NRG1: variants seen among roughly 807,000 people sequenced by gnomAD.
The protein encoded by NRG1 is pro-neuregulin-1, membrane-bound isoform.
Under a neutral mutation model 63.8 loss-of-function variants are expected in NRG1, and 18 were observed. The ratio of observed to expected loss-of-function variants is 0.28; its 90% CI spans 0.19 to 0.42. The LOEUF (loss-of-function observed/expected upper bound fraction) is 0.42. NRG1 is among the 10% of genes least tolerant of loss of function. The pLI is 1.00. For missense variants in NRG1, 762 were observed against 814.7 expected (o/e 0.94, Z 0.79); for synonymous variants, 302 against 301.3 (o/e 1.00, Z -0.02).
chr8:32,115,211 A>G (rs995222897), intron 1 of NRG1, among the ~76,000 whole-genome samples: 3 of 151,914 alleles, frequency 2.0e-5, no homozygotes, highest in African/African-American at 7.3e-5. Flanking sequence ...TTGTATTTTT[A>G]GCAGAGATGG....
intron 1 of NRG1, among the ~76,000 whole-genome samples, chr8:31,842,616 A>T (rs1172661017): frequency 6.6e-6 from 1 of 151,476 alleles, no homozygotes; most frequent in Non-Finnish European, 1.5e-5. Context: ...TTTATCACAT[A>T]TTACTCTAAG....
chr8:32,127,985 T>G (rs1834322931), intron 1 of NRG1, among the ~76,000 whole-genome samples: 1 of 151,934 alleles, frequency 6.6e-6, no homozygotes, highest in South Asian at 2.1e-4. Flanking sequence ...CCAGCAATTC[T>G]GGATGGCTCA....
chr8:31,728,559 A>G (rs1813690380), intron 1 of NRG1, among the ~76,000 whole-genome samples: 1 of 152,176 alleles, frequency 6.6e-6, no homozygotes, highest in Non-Finnish European at 1.5e-5. Flanking sequence ...TATGAATATG[A>G]TGACAAGTAG....
At chr8:32,474,383 C>T (rs2129491281) in intron 1 of NRG1, among the ~76,000 whole-genome samples, 1 of 152,242 alleles carries the variant, frequency 6.6e-6, no homozygotes, top group Middle Eastern at 3.4e-3. Context: ...CACTCTCTCC[C>T]ATGCGGTCTC....
At chr8:31,662,486 T>C (rs928167354) in intron 1 of NRG1, among the ~76,000 whole-genome samples, 1 of 152,238 alleles carries the variant, frequency 6.6e-6, no homozygotes, top group African/African-American at 2.4e-5. Flanking sequence ...TTTCAATGCC[T>C]ACCAGGTGCA....
chr8:32,411,279 G>A (rs1157939708), intron 1 of NRG1, among the ~76,000 whole-genome samples: 1 of 152,216 alleles, frequency 6.6e-6, no homozygotes, highest in Non-Finnish European at 1.5e-5. Context: ...AGAATCTGGG[G>A]CCTGTAACTC....
At chr8:32,312,221 T>C in intron 1 of NRG1, among the ~76,000 whole-genome samples, 1 of 131,346 alleles carries the variant, frequency 7.6e-6, no homozygotes, top group East Asian at 2.3e-4. Flanking sequence ...TGGAGTGCAA[T>C]GGCATGATCT....
chr8:31,726,750 C>T (rs545222191), intron 1 of NRG1, among the ~76,000 whole-genome samples: 2 of 148,842 alleles, frequency 1.3e-5, no homozygotes, highest in Non-Finnish European at 3.0e-5. Flanking sequence ...GCTGGCATTC[C>T]AGGCCCTGGA....
At chr8:32,126,727 T>C (rs533530038) in intron 1 of NRG1, among the ~76,000 whole-genome samples, 7 of 152,070 alleles carry the variant, frequency 4.6e-5, no homozygotes, top group Non-Finnish European at 8.8e-5. Context: ...AGCCTGATTT[T>C]CCATCACACT....
chr8:31,813,808 T>C (rs941918196), intron 1 of NRG1, among the ~76,000 whole-genome samples: 2 of 152,104 alleles, frequency 1.3e-5, no homozygotes, highest in Non-Finnish European at 2.9e-5. Flanking sequence ...ATTATAGGTG[T>C]GAGCCATCAT....
intron 1 of NRG1, among the ~76,000 whole-genome samples, chr8:31,784,364 G>C (rs1426284112): frequency 2.0e-5 from 3 of 152,156 alleles, no homozygotes; most frequent in Admixed American, 1.3e-4. Context: ...TGGAAACGTG[G>C]ATTTTCCACG....
chr8:32,188,544 T>C (rs910836158), intron 1 of NRG1, among the ~76,000 whole-genome samples: 4 of 152,126 alleles, frequency 2.6e-5, no homozygotes, highest in Non-Finnish European at 5.9e-5. Context: ...AATCAGCAGA[T>C]AGGAAGATCA....
intron 1 of NRG1, among the ~76,000 whole-genome samples, chr8:31,811,854 C>T (rs1040073813): frequency 6.6e-6 from 1 of 152,080 alleles, no homozygotes; most frequent in Admixed American, 6.6e-5. Context: ...TAGATGGCCC[C>T]ACTGATTTCC....
intron 1 of NRG1, among the ~76,000 whole-genome samples, chr8:31,966,982 A>T (rs1033971242): frequency 4.6e-5 from 7 of 152,156 alleles, no homozygotes; most frequent in African/African-American, 1.4e-4. Flanking sequence ...GCTTTTTATG[A>T]TAATTTTCAC....
chr8:32,338,173 T>G (rs899673651), intron 1 of NRG1, among the ~76,000 whole-genome samples: 6 of 152,156 alleles, frequency 3.9e-5, no homozygotes, highest in Non-Finnish European at 7.4e-5. Flanking sequence ...AACTCTATCT[T>G]TTATGGAGGA....
At chr8:32,053,586 A>G (rs1231073593) in intron 1 of NRG1, among the ~76,000 whole-genome samples, 1 of 152,212 alleles carries the variant, frequency 6.6e-6, no homozygotes. Flanking sequence ...GTGTTTAGTT[A>G]TCAAACATGT....
intron 1 of NRG1, among the ~76,000 whole-genome samples, chr8:32,127,547 G>GTGTGTGTT (rs1237531062): frequency 6.6e-6 from 1 of 151,420 alleles, no homozygotes; most frequent in African/African-American, 2.4e-5. Flanking sequence ...GTGTGTGTGT[G>GTGTGTGTT]TGTGTGTGTG....
intron 1 of NRG1, among the ~76,000 whole-genome samples, chr8:32,383,794 G>T (rs1294319873): frequency 6.6e-6 from 1 of 152,224 alleles, no homozygotes; most frequent in Non-Finnish European, 1.5e-5. Flanking sequence ...CTAGAGGAAA[G>T]ATTCCAGGTT....
chr8:31,815,404 A>G (rs568042084), intron 1 of NRG1, among the ~76,000 whole-genome samples: 18 of 152,196 alleles, frequency 1.2e-4, no homozygotes, highest in Non-Finnish European at 1.9e-4. Flanking sequence ...AGGTTCATCC[A>G]TGTTATAGCA....
Sources: allele counts gnomAD v4.1 joint callset (sites outside exome capture counted in the v4.1 genomes callset), GRCh38; gene constraint gnomAD v4.1.1; transcripts MANE v1.5; gene names NCBI Gene and HGNC (gene_info 2026-07-23, HGNC 2026-07-21).